Variants in MRTFA observed in about 807,000 individuals in gnomAD.
MRTFA encodes myocardin-related transcription factor A.
MRTFA carries 20 observed loss-of-function variants against 83.5 expected under a neutral mutation model. The ratio of observed to expected loss-of-function variants is 0.24; its 90% CI spans 0.17 to 0.35. The LOEUF is 0.35. Among genes scored for constraint, MRTFA ranks in the 10% least tolerant of loss-of-function variants. MRTFA has a pLI of 1.00. For missense variants in MRTFA, 1,200 were observed against 1,224.7 expected (o/e 0.98, Z 0.30); for synonymous variants, 659 against 541.2 (o/e 1.22, Z -3.02).
At chr22:40,477,867 C>A (rs1035875454) in intron 3 of MRTFA, among the ~76,000 whole-genome samples, 4 of 151,914 alleles carry the variant, frequency 2.6e-5, no homozygotes, top group Admixed American at 6.6e-5. Flanking sequence ...AGAAAGGGAA[C>A]TATTTTTCTT....
At chr22:40,448,958 G>C (rs1035760216) in intron 4 of MRTFA, among the ~76,000 whole-genome samples, 1 of 152,142 alleles carries the variant, frequency 6.6e-6, no homozygotes, top group Non-Finnish European at 1.5e-5. Flanking sequence ...AGCGTCAGCT[G>C]TCTTAGAAAT....
chr22:40,533,530 G>A, intron 3 of MRTFA: 1 of 1,059,198 alleles, frequency 9.4e-7, no homozygotes, highest in Non-Finnish European at 1.2e-6. Context: ...GAAGCCTGTG[G>A]CAAATAAGAT....
At chr22:40,608,047 C>T (rs945258226) in intron 1 of MRTFA, among the ~76,000 whole-genome samples, 1 of 152,036 alleles carries the variant, frequency 6.6e-6, no homozygotes, top group Non-Finnish European at 1.5e-5. Flanking sequence ...TTCTTTGAGA[C>T]GGAATCTCAC....
At chr22:40,574,667 C>G (rs2055843861) in intron 2 of MRTFA, among the ~76,000 whole-genome samples, 1 of 151,952 alleles carries the variant, frequency 6.6e-6, no homozygotes, top group Non-Finnish European at 1.5e-5. Context: ...CACCTGGCCT[C>G]AAGAGATTCA....
intron 7 of MRTFA, 88 bp from the exon 8 acceptor site, chr22:40,424,469 G>T: frequency 2.1e-6 from 3 of 1,408,268 alleles, no homozygotes; most frequent in Non-Finnish European, 2.9e-6. Flanking sequence ...CACAGGCAGA[G>T]TGCCTGGCCC....
At chr22:40,432,715 T>C (rs1426524969) in intron 5 of MRTFA, among the ~76,000 whole-genome samples, 2 of 151,408 alleles carry the variant, frequency 1.3e-5, no homozygotes, top group African/African-American at 4.9e-5. Context: ...TGTCCTCACC[T>C]AGCCATCTGC....
chr22:40,623,638 A>G (rs754868357), intron 1 of MRTFA, among the ~76,000 whole-genome samples: 7 of 152,252 alleles, frequency 4.6e-5, no homozygotes, highest in Non-Finnish European at 8.8e-5. Flanking sequence ...CCCTGGCATC[A>G]CAAAGCTTAT....
chr22:40,504,262 C>G (rs952204659), intron 3 of MRTFA, among the ~76,000 whole-genome samples: 12 of 151,984 alleles, frequency 7.9e-5, no homozygotes, highest in African/African-American at 2.9e-4. Flanking sequence ...ATCTGTAATC[C>G]CAGGTACTTG....
intron 14 of MRTFA, chr22:40,412,616 AC>A (rs2052583300): frequency 6.6e-6 from 1 of 152,224 alleles, no homozygotes; most frequent in African/African-American, 2.4e-5. Flanking sequence ...GCTTAGTGCA[AC>A]AGCCTGTCAC....
rs373373014 is a variant in MRTFA, at chr22:40,418,702, T to C, written c.2036A>G (p.Asn679Ser). 64 of 1,237,440 alleles carry C rather than the reference T, an allele frequency of 5.2e-5. No individual in the cohort carries two copies. The East Asian group carries it at 1.4e-3, about 27-fold the overall frequency. The allele number at this position is 1,237,440 out of a possible 1,614,324, so 76.7% of individuals were successfully genotyped here. ...GCTCAGCTGGCAGCTGGAGAAGCTG[T>C]TCTCCTGCTTCACGGGGGTGCCGAG... Residue 679 changes from asparagine (N) to serine (S), a missense_variant, in exon 12 of 15, where the codon AAC becomes AGC. Coordinates refer to ENST00000355630, the MANE Select transcript of MRTFA (RefSeq NM_020831.6).
chr22:40,482,901 T>G (rs2054114046), intron 3 of MRTFA, among the ~76,000 whole-genome samples: 1 of 151,942 alleles, frequency 6.6e-6, no homozygotes, highest in African/African-American at 2.4e-5. Flanking sequence ...GGGGTCAAGG[T>G]GGGAGGATTA....
intron 5 of MRTFA, among the ~76,000 whole-genome samples, chr22:40,432,233 C>A (rs906986981): frequency 6.6e-6 from 1 of 151,708 alleles, no homozygotes; most frequent in Non-Finnish European, 1.5e-5. Context: ...GCAACAAGAG[C>A]GAAACTCCGT....
chr22:40,558,110 G>C (rs1411273481), intron 2 of MRTFA, among the ~76,000 whole-genome samples: 1 of 150,874 alleles, frequency 6.6e-6, no homozygotes, highest in East Asian at 2.0e-4. Flanking sequence ...TTAAGGGACA[G>C]GGTCTCTCTC....
intron 4 of MRTFA, among the ~76,000 whole-genome samples, chr22:40,457,486 GAAGGAAAGAAAGAA>G (rs2053614941): frequency 1.6e-5 from 2 of 127,828 alleles, no homozygotes; most frequent in Non-Finnish European, 3.5e-5. Flanking sequence ...AAGAAAGAAA[GAAGGAAAGAAAGAA>G]AGAGAAAGAA....
intron 1 of MRTFA, among the ~76,000 whole-genome samples, chr22:40,604,878 G>A (rs2056300805): frequency 6.6e-6 from 1 of 152,178 alleles, no homozygotes; most frequent in Non-Finnish European, 1.5e-5. Context: ...ACAGATAAAT[G>A]CAATCTGTCT....
At position 40,459,826 on chromosome 22, in the gene MRTFA, T is replaced by TAC. The variant is rs1323775909; in HGVS notation, c.307+3394_307+3395insGT. Among the ~76,000 whole-genome samples, 124 of 92,792 alleles carry TAC rather than the reference T, an allele frequency of 1.3e-3. 2 individuals are homozygous for TAC. The highest frequency in any genetic ancestry group is 5.4e-3 in the African/African-American group (112 of 20,778). The allele number at this position is 92,792 out of a possible 152,430, so 60.9% of individuals were successfully genotyped here. A position where few individuals can be genotyped will look rare whatever the true frequency, so the allele number is the denominator to read the frequency against. Reference sequence around the variant, plus strand: ...ACACACACACACACACACACACATATATACATATATATATATATATATATA... The same window carrying TAC: ...ACACACACACACACACACACACATATACATACATATATATATATATATATATA... On this transcript the variant is annotated intron_variant, in intron 4 of 14. Transcript: ENST00000355630.
chr22:40,412,859 G>A (rs1339257326), intron 14 of MRTFA: 1 of 152,238 alleles, frequency 6.6e-6, no homozygotes, highest in Non-Finnish European at 1.5e-5. Flanking sequence ...CAATGGGCTG[G>A]GTGCAGTGGC....
At chr22:40,523,061 T>TA (rs2054897720) in intron 3 of MRTFA, 1 of 151,760 alleles carries the variant, frequency 6.6e-6, no homozygotes, top group South Asian at 2.1e-4. Flanking sequence ...CCTTCCCAGT[T>TA]AAACATTCTA....
intron 11 of MRTFA, 142 bp from the exon 12 acceptor site, chr22:40,419,526 GC>G (rs1470106536): frequency 2.8e-6 from 2 of 709,082 alleles, no homozygotes; most frequent in Non-Finnish European, 4.7e-6. Flanking sequence ...AGGGTGCAAT[GC>G]CCCCCACCAC....
Sources: gnomAD v4.1 joint callset for allele counts (sites outside exome capture counted in the v4.1 genomes callset) on GRCh38, gnomAD v4.1.1 for gene constraint, MANE v1.5 for transcripts, NCBI Gene and HGNC (gene_info 2026-07-23, HGNC 2026-07-21) for gene names.